Variants in TAS2R1 observed in about 807,000 individuals in gnomAD.
TAS2R1 encodes taste receptor type 2 member 1.
For synonymous variants in TAS2R1, 141 were observed against 134.2 expected (o/e 1.05, Z -0.35); for missense variants, 370 against 353.4 (o/e 1.05, Z -0.38).
the TAS2R1 span, among the ~76,000 whole-genome samples, chr5:9,756,351 C>A: frequency 6.6e-6 from 1 of 152,186 alleles, no homozygotes; most frequent in Admixed American, 6.5e-5. Context: ...CAGGAGGATA[C>A]AATTCCCATT....
chr5:9,801,036 A>G, the TAS2R1 span, among the ~76,000 whole-genome samples: 1 of 152,194 alleles, frequency 6.6e-6, no homozygotes, highest in Non-Finnish European at 1.5e-5. Context: ...TACTAAAACT[A>G]CAAAAATTAG....
upstream of TAS2R1, among the ~76,000 whole-genome samples, chr5:9,715,866 A>G (rs1734800759): frequency 6.6e-6 from 1 of 152,218 alleles, no homozygotes. Context: ...CCAACAGAGC[A>G]AGATTGAAAT....
chr5:9,650,746 G>T (rs1740288703), intron 2 of TAS2R1, among the ~76,000 whole-genome samples: 1 of 152,050 alleles, frequency 6.6e-6, no homozygotes. Context: ...CCTTTCCACT[G>T]CTCTGTTCTC....
At chr5:9,722,207 C>T in the TAS2R1 span, among the ~76,000 whole-genome samples, 60 of 152,206 alleles carry the variant, frequency 3.9e-4, no homozygotes, top group Non-Finnish European at 7.3e-4. Context: ...CAAGAGGACC[C>T]CCCACAGGGG....
intron 2 of TAS2R1, among the ~76,000 whole-genome samples, chr5:9,646,174 G>A (rs1442549105): frequency 6.6e-6 from 1 of 151,958 alleles, no homozygotes; most frequent in African/African-American, 2.4e-5. Flanking sequence ...ACATATCTGT[G>A]GAAGTTACTT....
At chr5:9,639,941 T>C (rs1184960234) in intron 2 of TAS2R1, among the ~76,000 whole-genome samples, 1 of 152,208 alleles carries the variant, frequency 6.6e-6, no homozygotes, top group African/African-American at 2.4e-5. Flanking sequence ...GGCTATTTTA[T>C]TTTCTTACAC....
At chr5:9,847,094 C>T in the TAS2R1 span, among the ~76,000 whole-genome samples, 1 of 152,232 alleles carries the variant, frequency 6.6e-6, no homozygotes, top group Non-Finnish European at 1.5e-5. Flanking sequence ...CAGACACTTA[C>T]AGGAAAACTT....
chr5:9,857,533 G>C, the TAS2R1 span, among the ~76,000 whole-genome samples: 1 of 152,166 alleles, frequency 6.6e-6, no homozygotes, highest in Non-Finnish European at 1.5e-5. Flanking sequence ...ACGTTTACCT[G>C]TGTAGCATAC....
intron 1 of TAS2R1, among the ~76,000 whole-genome samples, chr5:9,705,653 G>A (rs1741590199): frequency 6.6e-6 from 1 of 152,148 alleles, no homozygotes; most frequent in Non-Finnish European, 1.5e-5. Context: ...GAGATCAGGA[G>A]CTCAAGACCA....
chr5:9,701,221 GACACACACACAC>G (rs34248017), intron 1 of TAS2R1, among the ~76,000 whole-genome samples: 19,443 of 135,816 alleles, frequency 0.14, 1,325 homozygotes, highest in Admixed American at 0.27. Context: ...CAGACACGCA[GACACACACACAC>G]ACACACACAC....
At chr5:9,795,507 A>C in the TAS2R1 span, among the ~76,000 whole-genome samples, 2 of 152,286 alleles carry the variant, frequency 1.3e-5, no homozygotes, top group African/African-American at 4.8e-5. Flanking sequence ...AAAAAAAAGA[A>C]AAGTAGCCAG....
At chr5:9,737,241 T>G in the TAS2R1 span, among the ~76,000 whole-genome samples, 2 of 152,130 alleles carry the variant, frequency 1.3e-5, no homozygotes, top group African/African-American at 4.8e-5. Flanking sequence ...CCCAGACTCT[T>G]GTTTCCCCAT....
the TAS2R1 span, among the ~76,000 whole-genome samples, chr5:9,882,259 A>G: frequency 1.3e-5 from 2 of 152,350 alleles, no homozygotes; most frequent in African/African-American, 4.8e-5. Flanking sequence ...AAAGCTCAAC[A>G]TCAGTGATCA....
At chr5:9,886,358 C>G in the TAS2R1 span, among the ~76,000 whole-genome samples, 1 of 99,414 alleles carries the variant, frequency 1.0e-5, no homozygotes, top group Non-Finnish European at 1.9e-5. Context: ...TTTTTTGAGA[C>G]GAGTCTCACT....
At chr5:9,730,861 T>C in the TAS2R1 span, among the ~76,000 whole-genome samples, 1 of 152,164 alleles carries the variant, frequency 6.6e-6, no homozygotes, top group Admixed American at 6.5e-5. Flanking sequence ...ATCTGATAGT[T>C]TTATAAGGCA....
chr5:9,635,953 T>C (rs185587740), intron 2 of TAS2R1, among the ~76,000 whole-genome samples: 1 of 152,048 alleles, frequency 6.6e-6, no homozygotes, highest in Non-Finnish European at 1.5e-5. Flanking sequence ...CTCTGATATT[T>C]GTTATTTCTT....
At chr5:9,828,733 T>C in the TAS2R1 span, among the ~76,000 whole-genome samples, 1 of 152,250 alleles carries the variant, frequency 6.6e-6, no homozygotes, top group Non-Finnish European at 1.5e-5. Context: ...TTATTCTGAA[T>C]GATACAGTTG....
At chr5:9,739,575 T>C in the TAS2R1 span, among the ~76,000 whole-genome samples, 1 of 152,238 alleles carries the variant, frequency 6.6e-6, no homozygotes, top group Non-Finnish European at 1.5e-5. Flanking sequence ...TACACACCAT[T>C]ATTACATCTT....
At chr5:9,776,199 TTTTG>T in the TAS2R1 span, among the ~76,000 whole-genome samples, 1 of 152,178 alleles carries the variant, frequency 6.6e-6, no homozygotes, top group Non-Finnish European at 1.5e-5. Context: ...TTCTGCCCAG[TTTTG>T]CTTTCCACTG....
Sources: allele counts gnomAD v4.1 joint callset (sites outside exome capture counted in the v4.1 genomes callset), GRCh38; gene constraint gnomAD v4.1.1; transcripts MANE v1.5; gene names NCBI Gene and HGNC (gene_info 2026-07-23, HGNC 2026-07-21).